GPM6A: variants seen among roughly 807,000 people sequenced by gnomAD.
GPM6A encodes glycoprotein M6A.
In GPM6A, 7 loss-of-function variants were observed where a neutral mutation model predicts 32.1. The ratio of observed to expected loss-of-function variants is 0.22; its 90% CI spans 0.12 to 0.41. GPM6A has a LOEUF of 0.41. Ranked by LOEUF, GPM6A falls within the 10% of genes least tolerant of loss-of-function variation. The pLI is 1.00. For synonymous variants in GPM6A, 130 were observed against 123.4 expected (o/e 1.05, Z -0.35); for missense variants, 235 against 347.2 (o/e 0.68, Z 2.57).
chr4:175,876,545 A>G (rs575093645), intron 1 of GPM6A, among the ~76,000 whole-genome samples: 5 of 152,254 alleles, frequency 3.3e-5, no homozygotes, highest in African/African-American at 9.6e-5. Context: ...CTGTCTTTTG[A>G]GTTCCATGGT....
At chr4:175,910,234 G>T (rs1234771040) in intron 1 of GPM6A, among the ~76,000 whole-genome samples, 2 of 152,134 alleles carry the variant, frequency 1.3e-5, no homozygotes. Flanking sequence ...GAAAAAATGT[G>T]TTTCTACCAT....
At chr4:175,695,104 C>G (rs1260309344) in intron 2 of GPM6A, among the ~76,000 whole-genome samples, 1 of 152,190 alleles carries the variant, frequency 6.6e-6, no homozygotes, top group Non-Finnish European at 1.5e-5. Context: ...AAGCCTCTGC[C>G]TAGATTTCAG....
intron 1 of GPM6A, among the ~76,000 whole-genome samples, chr4:175,971,335 C>G (rs1445067644): frequency 6.6e-6 from 1 of 151,218 alleles, no homozygotes; most frequent in Non-Finnish European, 1.5e-5. Context: ...TGCATCAAAA[C>G]CAACATAAAG....
intron 1 of GPM6A, among the ~76,000 whole-genome samples, chr4:175,805,605 T>G (rs1734664453): frequency 6.6e-6 from 1 of 152,182 alleles, no homozygotes; most frequent in African/African-American, 2.4e-5. Context: ...GATAAAAATT[T>G]AAGTCCAAAA....
intron 1 of GPM6A, among the ~76,000 whole-genome samples, chr4:175,961,663 G>A (rs1020494551): frequency 1.3e-5 from 2 of 152,198 alleles, no homozygotes; most frequent in African/African-American, 2.4e-5. Context: ...TCACAGAGAA[G>A]ATCAGAGAAA....
At chr4:175,910,167 A>G (rs1475059602) in intron 1 of GPM6A, among the ~76,000 whole-genome samples, 1 of 152,072 alleles carries the variant, frequency 6.6e-6, no homozygotes, top group African/African-American at 2.4e-5. Flanking sequence ...TTTAACAACC[A>G]TCTCTCTCAA....
chr4:175,709,100 C>T (rs1745382849), intron 1 of GPM6A, among the ~76,000 whole-genome samples: 1 of 152,152 alleles, frequency 6.6e-6, no homozygotes. Context: ...AAAATATATT[C>T]ATTTTCTCAT....
At chr4:175,673,869 A>C in intron 2 of GPM6A, 33 bp from the exon 3 acceptor site, 2 of 1,473,134 alleles carry the variant, frequency 1.4e-6, no homozygotes, top group Non-Finnish European at 1.9e-6. Flanking sequence ...TTATTTCAAT[A>C]ACTTTTCATT....
At chr4:175,864,356 C>A (rs562146226) in intron 1 of GPM6A, among the ~76,000 whole-genome samples, 1 of 152,212 alleles carries the variant, frequency 6.6e-6, no homozygotes, top group South Asian at 2.1e-4. Context: ...TTTGTAGAGA[C>A]AGGGTTTCAC....
intron 1 of GPM6A, among the ~76,000 whole-genome samples, chr4:175,708,748 A>G (rs2111083773): frequency 6.6e-6 from 1 of 152,286 alleles, no homozygotes; most frequent in Admixed American, 6.5e-5. Flanking sequence ...AACACAGGAG[A>G]GGTTAAAATA....
At position 175,898,889 on chromosome 4, in the gene GPM6A, C is replaced by T. The variant is rs868703715; in HGVS notation, c.-22-86640G>A. Among the ~76,000 whole-genome samples the T allele has an allele frequency of 2.0e-5, 3 of 152,174 alleles. No homozygotes were observed. The South Asian group carries it at 6.2e-4, about 32-fold the overall frequency. Reference sequence around the variant, plus strand: ...GGTCACAAGGATTCGATTACTCATTCTTCAACACCATTTGTTCAACACCTA... The same window carrying T: ...GGTCACAAGGATTCGATTACTCATTTTTCAACACCATTTGTTCAACACCTA... On this transcript the variant is annotated intron_variant, in intron 1 of 7. Coordinates refer to the GPM6A transcript ENST00000280187.
intron 1 of GPM6A, among the ~76,000 whole-genome samples, chr4:175,849,850 T>TA (rs1231202328): frequency 6.6e-6 from 1 of 152,150 alleles, no homozygotes; most frequent in Non-Finnish European, 1.5e-5. Context: ...GAAGAGATAT[T>TA]ATCTCATTTG....
intron 2 of GPM6A, among the ~76,000 whole-genome samples, chr4:175,698,942 G>T (rs1286355829): frequency 6.6e-6 from 1 of 152,076 alleles, no homozygotes; most frequent in Non-Finnish European, 1.5e-5. Context: ...AAAGTTTGTT[G>T]TTTAAATATC....
intron 1 of GPM6A, among the ~76,000 whole-genome samples, chr4:175,993,673 T>C (rs559812319): frequency 1.3e-5 from 2 of 152,346 alleles, no homozygotes; most frequent in East Asian, 1.9e-4. Flanking sequence ...TAGGCAGTCA[T>C]AGGCAAATAG....
chr4:175,638,918 A>T (rs968174750), intron 6 of GPM6A, among the ~76,000 whole-genome samples: 5 of 152,100 alleles, frequency 3.3e-5, no homozygotes, highest in African/African-American at 1.2e-4. Context: ...CCCAGGGCAT[A>T]GTTTAGCATT....
At chr4:175,919,752 G>A (rs1249499346) in intron 1 of GPM6A, among the ~76,000 whole-genome samples, 1 of 152,154 alleles carries the variant, frequency 6.6e-6, no homozygotes, top group Non-Finnish European at 1.5e-5. Context: ...ATGAAGCTGG[G>A]TACAGTTATT....
intron 4 of GPM6A, among the ~76,000 whole-genome samples, chr4:175,647,097 C>T (rs1741503807): frequency 6.6e-6 from 1 of 152,194 alleles, no homozygotes; most frequent in Non-Finnish European, 1.5e-5. Context: ...CTGAGAAGTG[C>T]TTTATGGAAA....
At chr4:175,905,781 C>T (rs566576042) in intron 1 of GPM6A, among the ~76,000 whole-genome samples, 7 of 152,188 alleles carry the variant, frequency 4.6e-5, no homozygotes, top group African/African-American at 1.4e-4. Flanking sequence ...TCTAAGAATG[C>T]TAATTTTGGA....
intron 1 of GPM6A, among the ~76,000 whole-genome samples, chr4:175,947,315 A>G (rs762355071): frequency 2.6e-5 from 4 of 152,060 alleles, no homozygotes; most frequent in Non-Finnish European, 5.9e-5. Flanking sequence ...CACAGCAACC[A>G]CTAGAGGGAA....
Sources: allele counts gnomAD v4.1 joint callset (sites outside exome capture counted in the v4.1 genomes callset), GRCh38; gene constraint gnomAD v4.1.1; transcripts MANE v1.5; gene names NCBI Gene and HGNC (gene_info 2026-07-23, HGNC 2026-07-21).